Variants in ASAH2 observed in about 807,000 individuals in gnomAD.
The protein encoded by ASAH2 is neutral ceramidase.
In ASAH2, 58 loss-of-function variants were observed where a neutral mutation model predicts 82.9. That is an observed-to-expected ratio of 0.70 (90% confidence interval 0.57 to 0.87). The LOEUF (loss-of-function observed/expected upper bound fraction) is 0.87, where lower values mean the gene tolerates loss of function less well. Among genes scored for constraint, ASAH2 ranks in the 40% least tolerant of loss-of-function variants. The pLI is 0.00. For missense variants in ASAH2, 779 were observed against 834.0 expected, an observed-to-expected ratio of 0.93 and a Z score of 0.81; for synonymous variants, 276 against 289.7, an observed-to-expected ratio of 0.95 and a Z score of 0.48.
intron 10 of ASAH2, 48 bp from the exon 11 acceptor site, chr10:50,211,182 T>G (rs56209738): frequency 0.84 from 1,131,085 of 1,338,878 alleles, 485,327 homozygotes; most frequent in Non-Finnish European, 0.89. Context: ...GCTAAAGTGA[T>G]CATCTCCAAC....
intron 16 of ASAH2, among the ~76,000 whole-genome samples, chr10:50,202,581 C>T (rs1031919112): frequency 6.6e-6 from 1 of 151,972 alleles, no homozygotes; most frequent in Non-Finnish European, 1.5e-5. Context: ...TACCAATGCC[C>T]CTGACAAAAT....
Position 50,221,984 on chromosome 10 carries a change from G to A in ASAH2, c.894-3354C>T, listed in dbSNP as rs1344114813. ...AATCACTAGATAACGAGTACTCCTA[G>A]CAGAGGAAATAACATCTGCAAAGGC... On this transcript the variant is annotated intron_variant, in intron 7 of 20. Transcript: ENST00000682911. 2.0e-5 allele frequency among the ~76,000 whole-genome samples: 3 copies of A among 152,156 alleles called. No homozygotes were observed. In the East Asian group the frequency reaches 5.8e-4, roughly 29 times the overall value.
chr10:50,201,364 A>G (rs796595871), intron 16 of ASAH2, among the ~76,000 whole-genome samples: 1,560 of 152,178 alleles, frequency 0.01, 21 homozygotes, highest in African/African-American at 0.035. Context: ...TGTATGTAAT[A>G]CATGCCCACT....
intron 7 of ASAH2, among the ~76,000 whole-genome samples, chr10:50,223,514 G>A (rs1483625959): frequency 2.0e-5 from 3 of 152,086 alleles, no homozygotes; most frequent in East Asian, 1.9e-4. Context: ...CGACCTAAAC[G>A]CCCACAAATA....
At position 50,218,610 on chromosome 10, in the gene ASAH2, A is replaced by T; in HGVS notation, c.914T>A (p.Val305Asp). 1 of 1,613,798 alleles carries T rather than the reference A, an allele frequency of 6.2e-7. No homozygotes were observed. Among genetic ancestry groups the T allele is most frequent in the Non-Finnish European group, 8.5e-7 (1 of 1,179,756 alleles). The part of the protein sequence containing the change: ...GLISWFAIHP[V>D]SMNNSNHLVN... ...AAGATGGTTACTGTTGTTCATGCTGACCGGGTGGATGGCAAACCAGCTGTA... is the reference window on the plus strand; with the variant it reads ...AAGATGGTTACTGTTGTTCATGCTGTCCGGGTGGATGGCAAACCAGCTGTA... Residue 305 changes from valine to aspartate, a missense_variant, in exon 8 of 21, where the codon GTC becomes GAC. This residue lies in a region of ASAH2 where 759 missense variants were observed against 755.2 expected (regional missense o/e 1.00). Coordinates refer to ENST00000682911, the MANE Select transcript of ASAH2 (RefSeq NM_019893.4).
chr10:50,214,036 C>A (rs1337699990), intron 9 of ASAH2, among the ~76,000 whole-genome samples: 1 of 152,056 alleles, frequency 6.6e-6, no homozygotes, highest in African/African-American at 2.4e-5. Context: ...GATGGTATAG[C>A]CTAACTTGCT....
intron 7 of ASAH2, among the ~76,000 whole-genome samples, chr10:50,231,890 A>G (rs992849417): frequency 6.6e-6 from 1 of 152,132 alleles, no homozygotes; most frequent in African/African-American, 2.4e-5. Flanking sequence ...GCTTTTTTCT[A>G]TGTCAGGCAC....
At position 50,245,309 on chromosome 10, in the gene ASAH2, T is replaced by G. The variant is rs1406897180; in HGVS notation, c.273A>C (p.Pro91=). ...TGAAGTTCTGAAATAGAGGAGACTCTGGGGTTAAAGGCACTGGAGAAGTTT... is the reference window on the plus strand; with the variant it reads ...TGAAGTTCTGAAATAGAGGAGACTCGGGGGTTAAAGGCACTGGAGAAGTTT... The part of the protein sequence containing the change: ...ATQTSPVPLT[P]ESPLFQNFSG... The change falls in exon 3 of 21, where the codon CCA becomes CCC. Residue 91 remains proline (P), a synonymous_variant. Transcript: ENST00000682911. 4 of 1,613,942 alleles carry G rather than the reference T, an allele frequency of 2.5e-6. No individual in the cohort carries two copies. Among genetic ancestry groups the G allele is most frequent in the Middle Eastern group, 1.6e-4 (1 of 6,082 alleles).
At chr10:50,231,430 C>T (rs992795779) in intron 7 of ASAH2, among the ~76,000 whole-genome samples, 5 of 152,152 alleles carry the variant, frequency 3.3e-5, no homozygotes, top group African/African-American at 1.2e-4. Flanking sequence ...AAACTCAGGG[C>T]TACCTCCTCC....
chr10:50,236,037 C>T lies in ASAH2; in HGVS notation c.538G>A (p.Gly180Ser). 1 of 1,613,220 alleles carries T rather than the reference C, an allele frequency of 6.2e-7. No individual in the cohort carries two copies. The highest frequency in any genetic ancestry group is 1.1e-5 in the South Asian group (1 of 91,064). Reference protein sequence around the residue: ...EVLNRLQSKYGSLYRRDNVIL... With the variant: ...EVLNRLQSKYSSLYRRDNVIL... ...ACATTATCTCTTCTGTACAGGGAGCCATATTTACTCTGCAGTCTGTTCAGG... is the reference window on the plus strand; with the variant it reads ...ACATTATCTCTTCTGTACAGGGAGCTATATTTACTCTGCAGTCTGTTCAGG... The change falls in exon 5 of 21, where the codon GGC (glycine) becomes AGC (serine). Residue 180 changes from glycine (G) to serine (S), a missense_variant. This residue lies in a region of ASAH2 where 759 missense variants were observed against 755.2 expected (regional missense o/e 1.00). Coordinates refer to ENST00000682911, the MANE Select transcript of ASAH2 (RefSeq NM_019893.4).
chr10:50,201,372 A>C (rs997412880), intron 16 of ASAH2, among the ~76,000 whole-genome samples: 3 of 152,080 alleles, frequency 2.0e-5, no homozygotes, highest in African/African-American at 7.2e-5. Flanking sequence ...ATACATGCCC[A>C]CTTGGGCTTC....
intron 10 of ASAH2, among the ~76,000 whole-genome samples, chr10:50,211,440 T>G (rs1845451346): frequency 6.6e-6 from 1 of 152,060 alleles, no homozygotes; most frequent in African/African-American, 2.4e-5. Context: ...CCAAGAAAAT[T>G]TAAGATTAGG....
intron 4 of ASAH2, 23 bp downstream of exon 4, chr10:50,243,179 A>T (rs1444891038): frequency 6.2e-7 from 1 of 1,611,656 alleles, no homozygotes; most frequent in African/African-American, 1.3e-5. Context: ...TTCTTCATTC[A>T]TTTCTCCTCT....
Position 50,194,959 on chromosome 10 carries a change from AG to A in ASAH2, c.2004+1813del, listed in dbSNP as rs1844935062. ...CAACTGAAAGAAAACCTAGAGGAAA[AG>A]CTCCATGATGTTGGTGTAGGCGATG... On this transcript the variant is annotated intron_variant, in intron 18 of 20. Transcript: ENST00000682911. Among the ~76,000 whole-genome samples the A allele has an allele frequency of 2.0e-5, 3 of 151,678 alleles. No individual in the cohort carries two copies. The South Asian group carries it at 6.2e-4, about 31-fold the overall frequency.
rs772877573 is a variant in ASAH2 at position 50,245,333 on chromosome 10, T to C, written c.249A>G (p.Gln83=). 2 of 1,613,794 alleles carry C rather than the reference T, an allele frequency of 1.2e-6. No individual in the cohort carries two copies. The highest frequency in any genetic ancestry group is 2.7e-5 in the African/African-American group (2 of 74,788). The change falls in exon 3 of 21, where the codon CAA becomes CAG. Residue 83 remains glutamine, a synonymous_variant. Coordinates refer to ENST00000682911, the MANE Select transcript of ASAH2 (RefSeq NM_019893.4). ...CTGGGGTTAAAGGCACTGGAGAAGT[T>C]TGAGTGGCTGTGGAGCTCTGGGTGG... ...STATQSSTAT[Q]TSPVPLTPES...
rs142364715 is a variant in ASAH2, at chr10:50,245,403, C to G, written c.179G>C (p.Gly60Ala). Residue 60 changes from glycine to alanine, a missense_variant, in exon 3 of 21, where the codon GGC becomes GCC. Gly to Ala is a moderately conservative substitution (Grantham distance 60). Coordinates refer to ENST00000682911, the MANE Select transcript of ASAH2 (RefSeq NM_019893.4). ...STTQSPPATQ[G>A]STAAQRSTAT... ...TGTGGAGCGTTGGGCAGCTGTGGAG[C>G]CCTGGGTGGCTGGAGGGCTTTGGGT... 3.7e-6 allele frequency: 6 copies of G among 1,613,564 alleles called. No individual in the cohort carries two copies. The African/African-American group carries it at 8.0e-5, about 22-fold the overall frequency.
chr10:50,187,388 T>C lies in ASAH2; in HGVS notation c.2270A>G (p.Gln757Arg). ...RIRYFGHNRK[Q>R]DILKPAVILS... ...TATGACAGCAGGCTTCAGAATGTCC[T>C]GCTTCCGATTGTGTCCAAAATATCT... is the stretch of plus-strand genomic sequence containing the variant. The change falls in exon 21 of 21, where the codon CAG becomes CGG. Residue 757 changes from glutamine to arginine, a missense_variant. Physicochemically the swap from Gln to Arg is conservative, Grantham distance 43 (BLOSUM62 1). This residue lies in a region of ASAH2 where 14 missense variants were observed against 16.2 expected (regional missense o/e 0.87). Coordinates refer to ENST00000682911, the MANE Select transcript of ASAH2 (RefSeq NM_019893.4). 1 of 379,698 alleles carries C rather than the reference T, an allele frequency of 2.6e-6. No individual in the cohort carries two copies. Among genetic ancestry groups the C allele is most frequent in the Non-Finnish European group, 4.6e-6 (1 of 219,326 alleles). 23.5% of individuals were successfully genotyped at this position (379,698 alleles called of 1,614,324 possible). A position where few individuals can be genotyped will look rare whatever the true frequency, so the allele number is the denominator to read the frequency against.
intron 17 of ASAH2, among the ~76,000 whole-genome samples, chr10:50,197,500 A>G (rs1405306172): frequency 2.0e-5 from 3 of 152,068 alleles, no homozygotes; most frequent in East Asian, 3.9e-4. Flanking sequence ...AAATATCCCT[A>G]TATCTATATT....
At position 50,211,035 on chromosome 10, in the gene ASAH2, G is replaced by A; in HGVS notation, c.1327C>T (p.His443Tyr). The change falls in exon 11 of 21, where the codon CAT becomes TAT. Residue 443 changes from histidine (H) to tyrosine (Y), a missense_variant. Transcript: ENST00000682911. ...TGTGTCTCAGCAGCACTTACTGCAT[G>A]TGTGGAATTGAGCCAGACAGTCACA... ...TDVTVWLNST[H>Y]ASKTCKPALG... 6.2e-7 allele frequency: 1 copy of A among 1,613,428 alleles called. No individual in the cohort carries two copies. Among genetic ancestry groups the A allele is most frequent in the Non-Finnish European group, 8.5e-7 (1 of 1,179,444 alleles).
Sources: allele counts gnomAD v4.1 joint callset (sites outside exome capture counted in the v4.1 genomes callset), GRCh38; gene constraint gnomAD v4.1.1; regional missense constraint gnomAD v4.1.1; transcripts MANE v1.5; gene names NCBI Gene and HGNC (gene_info 2026-07-23, HGNC 2026-07-21).